NCKAP5: variants seen among roughly 807,000 people sequenced by gnomAD.
NCKAP5 encodes the protein NCK associated protein 5.
Under a neutral mutation model 167.0 loss-of-function variants are expected in NCKAP5, and 92 were observed. The observed-to-expected ratio is 0.55, with a 90% CI of 0.47 to 0.66. The LOEUF is 0.66. Among genes scored for constraint, NCKAP5 ranks in the 30% least tolerant of loss-of-function variants. The pLI, the probability that NCKAP5 is intolerant of heterozygous loss-of-function variation, is 0.00. For synonymous variants in NCKAP5, 891 were observed against 877.4 expected (o/e 1.02, Z -0.27); for missense variants, 2,378 against 2,315.0 (o/e 1.03, Z -0.56).
At chr2:132,823,590 T>C (rs926897485) in intron 11 of NCKAP5, among the ~76,000 whole-genome samples, 1 of 151,668 alleles carries the variant, frequency 6.6e-6, no homozygotes, top group Non-Finnish European at 1.5e-5. Context: ...TACACCACAA[T>C]AGAACTCCCT....
At chr2:132,991,459 A>G (rs1181447067) in intron 7 of NCKAP5, among the ~76,000 whole-genome samples, 2 of 152,174 alleles carry the variant, frequency 1.3e-5, no homozygotes, top group African/African-American at 4.8e-5. Flanking sequence ...GAAAACACCC[A>G]TTGTCCTTTG....
At chr2:133,155,665 T>C (rs925468173) in intron 5 of NCKAP5, among the ~76,000 whole-genome samples, 3 of 152,222 alleles carry the variant, frequency 2.0e-5, no homozygotes, top group African/African-American at 7.2e-5. Context: ...CCAGTAGACT[T>C]GTAGACTTTG....
chr2:132,720,660 A>G lies in NCKAP5; in HGVS notation c.5713+4967T>C, dbSNP rs147761695. Among the ~76,000 whole-genome samples the G allele has an allele frequency of 1.0e-3, 152 of 152,264 alleles. 2 individuals are homozygous for G. The East Asian group carries it at 0.024, about 24-fold the overall frequency. Reference sequence around the variant, plus strand: ...AGGCAGCAGCCTCTGTAAGCTTCCTAGAAGCTATGGAGGACCGACTGCCAC... The same window carrying G: ...AGGCAGCAGCCTCTGTAAGCTTCCTGGAAGCTATGGAGGACCGACTGCCAC... On this transcript the variant is annotated intron_variant, in intron 19 of 19. Transcript: ENST00000409261.
intron 3 of NCKAP5, among the ~76,000 whole-genome samples, chr2:133,345,090 A>G (rs1464173481): frequency 1.3e-5 from 2 of 152,138 alleles, no homozygotes; most frequent in Non-Finnish European, 2.9e-5. Context: ...TTATAGAAAG[A>G]GGTGTGAATC....
intron 12 of NCKAP5, among the ~76,000 whole-genome samples, chr2:132,794,596 A>C (rs567993966): frequency 6.6e-6 from 1 of 151,514 alleles, no homozygotes; most frequent in Non-Finnish European, 1.5e-5. Flanking sequence ...AGATCATGCC[A>C]CTGTACTCCA....
chr2:133,577,248 A>G, the NCKAP5 span, among the ~76,000 whole-genome samples: 2 of 152,188 alleles, frequency 1.3e-5, no homozygotes, highest in African/African-American at 4.8e-5. Context: ...GAGAAGGAAG[A>G]AAAGAAGGAA....
chr2:132,880,253 C>T (rs1691642291), intron 8 of NCKAP5, among the ~76,000 whole-genome samples: 2 of 152,070 alleles, frequency 1.3e-5, no homozygotes, highest in Admixed American at 6.5e-5. Flanking sequence ...TTTTTGACAG[C>T]AGAGTAGGGT....
intron 13 of NCKAP5, among the ~76,000 whole-genome samples, chr2:132,785,951 T>C (rs981613517): frequency 9.9e-5 from 15 of 152,216 alleles, no homozygotes; most frequent in African/African-American, 3.4e-4. Context: ...GTAAAGGCCC[T>C]GTCTTCATGG....
At chr2:133,010,279 T>C (rs1188085518) in intron 6 of NCKAP5, among the ~76,000 whole-genome samples, 1 of 152,242 alleles carries the variant, frequency 6.6e-6, no homozygotes. Context: ...AGTCTCTCTC[T>C]ACTGAAAGTA....
At chr2:133,599,826 G>C in the NCKAP5 span, among the ~76,000 whole-genome samples, 2 of 152,378 alleles carry the variant, frequency 1.3e-5, no homozygotes, top group East Asian at 3.9e-4. Flanking sequence ...TACAGCCCAA[G>C]AGGGCATGAA....
At chr2:133,080,970 T>C (rs2080783119) in intron 6 of NCKAP5, among the ~76,000 whole-genome samples, 1 of 152,036 alleles carries the variant, frequency 6.6e-6, no homozygotes, top group Non-Finnish European at 1.5e-5. Context: ...AGCAGACTGT[T>C]CTGGAATGAA....
the NCKAP5 span, among the ~76,000 whole-genome samples, chr2:133,611,890 G>A: frequency 6.6e-6 from 1 of 152,182 alleles, no homozygotes. Flanking sequence ...CTATACAGAA[G>A]TGTCTAGCAG....
chr2:133,583,227 C>T, the NCKAP5 span, among the ~76,000 whole-genome samples: 1 of 152,154 alleles, frequency 6.6e-6, no homozygotes, highest in Non-Finnish European at 1.5e-5. Context: ...GTGACTATAT[C>T]ATGGATCCCT....
At chr2:133,256,985 G>T (rs1431737448) in intron 4 of NCKAP5, among the ~76,000 whole-genome samples, 5 of 151,984 alleles carry the variant, frequency 3.3e-5, no homozygotes, top group Admixed American at 3.3e-4. Context: ...ACCTACGCGC[G>T]CACACAATCA....
chr2:133,244,772 T>C (rs2087892202), intron 4 of NCKAP5, among the ~76,000 whole-genome samples: 1 of 152,080 alleles, frequency 6.6e-6, no homozygotes, highest in African/African-American at 2.4e-5. Context: ...TGAAGGAAAG[T>C]AACTCTTAAT....
chr2:133,655,234 A>G, the NCKAP5 span, among the ~76,000 whole-genome samples: 2 of 152,176 alleles, frequency 1.3e-5, no homozygotes, highest in Non-Finnish European at 2.9e-5. Context: ...CACTACACAC[A>G]TGCTGATGTA....
intron 3 of NCKAP5, among the ~76,000 whole-genome samples, chr2:133,328,053 A>G (rs562921309): frequency 6.6e-6 from 1 of 152,162 alleles, no homozygotes; most frequent in African/African-American, 2.4e-5. Flanking sequence ...AATGATCATC[A>G]CCCTGTTGTC....
intron 16 of NCKAP5, among the ~76,000 whole-genome samples, chr2:132,770,677 C>T (rs1394006983): frequency 6.6e-6 from 1 of 151,998 alleles, no homozygotes; most frequent in Non-Finnish European, 1.5e-5. Flanking sequence ...CAACAGAACA[C>T]TGATGAGGGA....
the NCKAP5 span, among the ~76,000 whole-genome samples, chr2:133,632,428 A>T: frequency 3.3e-4 from 51 of 152,380 alleles, no homozygotes; most frequent in East Asian, 6.9e-3. Flanking sequence ...GCAGGGGGAA[A>T]AAAAGACTAG....
Sources: allele counts gnomAD v4.1 joint callset (sites outside exome capture counted in the v4.1 genomes callset), GRCh38; gene constraint gnomAD v4.1.1; transcripts MANE v1.5; gene names NCBI Gene and HGNC (gene_info 2026-07-23, HGNC 2026-07-21).